KCNMB3: variants seen among roughly 807,000 people sequenced by gnomAD.
KCNMB3 encodes the protein potassium calcium-activated channel subfamily M regulatory beta subunit 3, also known as calcium-activated potassium channel subunit beta-3.
KCNMB3 carries 18 observed loss-of-function variants against 11.9 expected under a neutral mutation model. That is an observed-to-expected ratio of 1.51 (90% CI 1.04 to 2.23). The LOEUF is 2.23. Among genes scored for constraint, KCNMB3 ranks in the 30% most tolerant of loss-of-function variants. The pLI, the probability that KCNMB3 is intolerant of heterozygous loss-of-function variation, is 0.00. For synonymous variants in KCNMB3, 78 were observed against 119.2 expected (o/e 0.65, Z 2.25); for missense variants, 247 against 329.4 (o/e 0.75, Z 1.94).
chr3:179,249,202 A>G (rs1308266836), intron 1 of KCNMB3, among the ~76,000 whole-genome samples: 2 of 149,652 alleles, frequency 1.3e-5, no homozygotes, highest in Admixed American at 1.3e-4. Context: ...TTTAGTAGAG[A>G]CGGGGTTTCA....
At chr3:179,251,471 T>C, upstream of KCNMB3, 4 of 1,401,248 alleles carry the variant, frequency 2.9e-6, no homozygotes, top group East Asian at 5.1e-5. Context: ...GAAGTTGTCA[T>C]GGCTTCTTTG....
chr3:179,262,946 A>G lies in KCNMB3; in HGVS notation c.62+3703T>C, dbSNP rs115360484. Among the ~76,000 whole-genome samples, 512 of 152,336 alleles carry G rather than the reference A, an allele frequency of 3.4e-3. 4 individuals carry two copies. Among genetic ancestry groups the G allele is most frequent in the African/African-American group, 0.012 (494 of 41,588 alleles). On this transcript the variant is annotated intron_variant, in intron 1 of 3. Transcript: ENST00000349697. ...TTTACAATCTCTTAGCTAAACATAA[A>G]CGTTCTCCAAGTCCCCACCAGACTC...
intron 1 of KCNMB3, among the ~76,000 whole-genome samples, chr3:179,249,249 G>C (rs1725750711): frequency 1.3e-5 from 2 of 150,210 alleles, no homozygotes; most frequent in Admixed American, 1.3e-4. Flanking sequence ...TCCTGACCTC[G>C]TGATCCACCC....
upstream of KCNMB3, among the ~76,000 whole-genome samples, chr3:179,252,189 T>C (rs1181782393): frequency 6.6e-6 from 1 of 152,110 alleles, no homozygotes; most frequent in African/African-American, 2.4e-5. Context: ...GAAGGTGTGT[T>C]CTCTAGTTTG....
intron 1 of KCNMB3, chr3:179,260,807 T>G: frequency 7.4e-7 from 1 of 1,350,880 alleles, no homozygotes; most frequent in South Asian, 1.2e-5. Context: ...CTCTTCGTAC[T>G]GCCGCCTATA....
At chr3:179,260,468 T>C (rs926819067) in intron 1 of KCNMB3, 5 of 1,613,250 alleles carry the variant, frequency 3.1e-6, no homozygotes, top group Non-Finnish European at 4.2e-6. Context: ...CCTCTGTGTG[T>C]TGTTCTTTCT....
intron 1 of KCNMB3, among the ~76,000 whole-genome samples, chr3:179,264,483 C>G (rs1416411106): frequency 6.6e-6 from 1 of 152,164 alleles, no homozygotes; most frequent in Admixed American, 6.5e-5. Flanking sequence ...CCGCTTCTAA[C>G]CAGTGTATTA....
chr3:179,250,618 TTC>T, intron 1 of KCNMB3, 123 bp downstream of exon 1: 1 of 994,850 alleles, frequency 1.0e-6, no homozygotes, highest in African/African-American at 1.6e-5. Flanking sequence ...AATTGTATTT[TTC>T]TTTTTCTAGA....
intron 1 of KCNMB3, among the ~76,000 whole-genome samples, chr3:179,264,509 T>G (rs1475591518): frequency 6.6e-6 from 1 of 152,214 alleles, no homozygotes; most frequent in Non-Finnish European, 1.5e-5. Context: ...AGCTGTTTTA[T>G]TCATAATCAA....
intron 1 of KCNMB3, chr3:179,266,536 A>C (rs777011252): frequency 2.4e-6 from 3 of 1,236,776 alleles, no homozygotes; most frequent in Non-Finnish European, 3.4e-6. Context: ...GCAAGTGGGC[A>C]TCCTCAGAGA....
upstream of KCNMB3, chr3:179,251,807 C>T (rs1300580596): frequency 1.7e-5 from 3 of 179,548 alleles, no homozygotes; most frequent in African/African-American, 4.8e-5. Context: ...CAACCTCCTC[C>T]GCCTCCCAGG....
At chr3:179,254,708 C>T (rs1212078189), upstream of KCNMB3, among the ~76,000 whole-genome samples, 1 of 152,090 alleles carries the variant, frequency 6.6e-6, no homozygotes, top group Non-Finnish European at 1.5e-5. Flanking sequence ...GCTGCTGCGG[C>T]AGGAGAATCC....
chr3:179,255,874 C>T (rs541943398), upstream of KCNMB3, among the ~76,000 whole-genome samples: 23 of 152,282 alleles, frequency 1.5e-4, no homozygotes, highest in African/African-American at 5.5e-4. Context: ...TTCTCTGTAA[C>T]AAGACTAGAA....
downstream of KCNMB3, chr3:179,241,831 A>G (rs1217292686): frequency 1.3e-5 from 2 of 154,198 alleles, no homozygotes; most frequent in Non-Finnish European, 2.9e-5. Context: ...AAAAGTTAAC[A>G]GCAAAAACTG....
intron 1 of KCNMB3, among the ~76,000 whole-genome samples, chr3:179,245,513 T>C (rs1039436929): frequency 1.4e-5 from 2 of 145,378 alleles, no homozygotes; most frequent in Non-Finnish European, 3.0e-5. Context: ...ATTAATTTTT[T>C]TGGGGGGGGG....
Position 179,264,847 on chromosome 3 carries a change from G to A in KCNMB3, c.62+1802C>T, listed in dbSNP as rs984588518. ...CTATATTAATATTTCCCTGTAATTC[G>A]TTTTGGTTACAGAGGAGACCCTTGG... On this transcript the variant is annotated intron_variant, in intron 1 of 3. Coordinates refer to the KCNMB3 transcript ENST00000349697. Among the ~76,000 whole-genome samples the A allele has an allele frequency of 3.9e-5, 6 of 152,258 alleles. 1 individual carries two copies. The highest frequency in any genetic ancestry group is 6.8e-3 in the Middle Eastern group (2 of 294).
At chr3:179,250,033 TAAAACA>T (rs1238046750) in intron 1 of KCNMB3, among the ~76,000 whole-genome samples, 1 of 152,024 alleles carries the variant, frequency 6.6e-6, no homozygotes, top group Non-Finnish European at 1.5e-5. Context: ...CCCCGGAACT[TAAAACA>T]AAAATTGAAG....
intron 1 of KCNMB3, chr3:179,259,937 C>T: frequency 1.9e-6 from 3 of 1,613,304 alleles, no homozygotes; most frequent in Non-Finnish European, 2.5e-6. Context: ...TTTCTTCACC[C>T]TCTTCTTCGT....
At chr3:179,264,921 T>G (rs1402838834) in intron 1 of KCNMB3, among the ~76,000 whole-genome samples, 1 of 152,246 alleles carries the variant, frequency 6.6e-6, no homozygotes, top group Non-Finnish European at 1.5e-5. Context: ...ATTTAACAAC[T>G]TATTTTGAAA....
Sources: gnomAD v4.1 joint callset for allele counts (sites outside exome capture counted in the v4.1 genomes callset) on GRCh38, gnomAD v4.1.1 for gene constraint, MANE v1.5 for transcripts, NCBI Gene and HGNC (gene_info 2026-07-23, HGNC 2026-07-21) for gene names.